Variants in STX18 observed in about 807,000 individuals in gnomAD.
STX18 encodes the protein syntaxin 18.
In STX18, 40 loss-of-function variants were observed where a neutral mutation model predicts 50.1. The observed-to-expected ratio is 0.80, with a 90% CI of 0.62 to 1.04. The LOEUF is 1.04. Ranked by LOEUF, STX18 falls within the 50% of genes least tolerant of loss-of-function variation. STX18 has a pLI of 0.00. For synonymous variants in STX18, 158 were observed against 151.8 expected, an observed-to-expected ratio of 1.04 and a Z score of -0.30; for missense variants, 410 against 415.8, an observed-to-expected ratio of 0.99 and a Z score of 0.12.
Position 4,532,979 on chromosome 4 carries a change from A to C in STX18, c.168+8818T>G, listed in dbSNP as rs188300633. 2.1e-3 allele frequency among the ~76,000 whole-genome samples: 325 copies of C among 152,360 alleles called. 1 individual carries two copies. Among genetic ancestry groups the C allele is most frequent in the African/African-American group, 7.5e-3 (313 of 41,592 alleles). On this transcript the variant is annotated intron_variant, in intron 1 of 10. Transcript: ENST00000306200. ...AATACAGCTTACAAATTCCATGGTA[A>C]GAACATTTTGACAAACAGACATATG...
chr4:4,539,955 G>A (rs1288154026), intron 1 of STX18, among the ~76,000 whole-genome samples: 1 of 152,046 alleles, frequency 6.6e-6, no homozygotes, highest in Non-Finnish European at 1.5e-5. Flanking sequence ...ATAAATCAGT[G>A]GTTTCAGAGT....
At chr4:4,527,980 T>C (rs578030957) in intron 1 of STX18, among the ~76,000 whole-genome samples, 82 of 151,962 alleles carry the variant, frequency 5.4e-4, no homozygotes, top group Non-Finnish European at 1.5e-4. Flanking sequence ...TCACCCTGAG[T>C]GAGGCTGCAA....
intron 1 of STX18, chr4:4,507,660 T>C (rs1227680636): frequency 1.3e-6 from 1 of 793,788 alleles, no homozygotes; most frequent in Non-Finnish European, 2.3e-6. Flanking sequence ...AGCCGGCTCA[T>C]AAAGGTTCGT....
At chr4:4,490,467 C>T (rs1434840484) in intron 1 of STX18, among the ~76,000 whole-genome samples, 1 of 152,130 alleles carries the variant, frequency 6.6e-6, no homozygotes, top group Non-Finnish European at 1.5e-5. Flanking sequence ...TCTATTCATT[C>T]TCTATACAGT....
intron 5 of STX18, 83 bp from the exon 6 acceptor site, chr4:4,438,592 C>G: frequency 8.6e-7 from 1 of 1,157,214 alleles, no homozygotes; most frequent in Non-Finnish European, 1.3e-6. Context: ...ACATGTGACC[C>G]TGCGCTTTTG....
chr4:4,464,902 G>A (rs536574285), intron 2 of STX18, among the ~76,000 whole-genome samples: 19 of 144,190 alleles, frequency 1.3e-4, no homozygotes, highest in East Asian at 4.0e-4. Flanking sequence ...TTTTCGAAGC[G>A]TTTTTTTTTT....
At chr4:4,450,661 C>A (rs1243034738) in intron 5 of STX18, among the ~76,000 whole-genome samples, 1 of 152,180 alleles carries the variant, frequency 6.6e-6, no homozygotes, top group Non-Finnish European at 1.5e-5. Context: ...GCCTCTACCA[C>A]CCCTCTCCAT....
intron 5 of STX18, among the ~76,000 whole-genome samples, chr4:4,444,823 TAACA>T (rs946912805): frequency 1.0e-4 from 15 of 150,700 alleles, no homozygotes; most frequent in Admixed American, 7.2e-4. Flanking sequence ...GAAAACAAAC[TAACA>T]AACAAATAAA....
chr4:4,482,355 G>A (rs1384882926), intron 1 of STX18, among the ~76,000 whole-genome samples: 1 of 152,076 alleles, frequency 6.6e-6, no homozygotes, highest in Admixed American at 6.6e-5. Flanking sequence ...TCCCACTGAC[G>A]CCTCAAAAGC....
intron 5 of STX18, among the ~76,000 whole-genome samples, chr4:4,450,386 A>G (rs1331969527): frequency 1.3e-5 from 2 of 152,186 alleles, no homozygotes; most frequent in African/African-American, 2.4e-5. Context: ...CAGTGGCTCA[A>G]TATCAGCTCA....
chr4:4,511,713 AGTGTGTGT>A (rs3038434), intron 1 of STX18, among the ~76,000 whole-genome samples: 4,540 of 137,464 alleles, frequency 0.033, 121 homozygotes, highest in African/African-American at 0.075. Context: ...ACTCATGATT[AGTGTGTGT>A]GTGTGTGTGT....
At chr4:4,437,516 T>G (rs375220791) in intron 6 of STX18, 2 of 754,614 alleles carry the variant, frequency 2.7e-6, no homozygotes, top group African/African-American at 3.8e-5. Context: ...ATGCAAAAAT[T>G]TGAAAAAACC....
intron 2 of STX18, among the ~76,000 whole-genome samples, chr4:4,462,188 T>C (rs1727414012): frequency 6.6e-6 from 1 of 152,184 alleles, no homozygotes; most frequent in Non-Finnish European, 1.5e-5. Flanking sequence ...CCCAGCTCTC[T>C]GGCAGGAAAC....
chr4:4,540,754 C>G (rs888212900), intron 1 of STX18, among the ~76,000 whole-genome samples: 1 of 152,198 alleles, frequency 6.6e-6, no homozygotes, highest in African/African-American at 2.4e-5. Flanking sequence ...GTCCAATCCC[C>G]TTTCTAATGT....
At chr4:4,453,255 T>C (rs977488004) in intron 5 of STX18, among the ~76,000 whole-genome samples, 3 of 152,186 alleles carry the variant, frequency 2.0e-5, no homozygotes, top group Non-Finnish European at 2.9e-5. Flanking sequence ...CTGCACACAA[T>C]AGAGAAACCT....
At chr4:4,431,742 T>C (rs944790228) in intron 7 of STX18, among the ~76,000 whole-genome samples, 1 of 152,200 alleles carries the variant, frequency 6.6e-6, no homozygotes. Flanking sequence ...TCCCTCCTCC[T>C]GATGACCCAC....
intron 1 of STX18, among the ~76,000 whole-genome samples, chr4:4,521,127 A>C (rs1304304102): frequency 6.6e-6 from 1 of 152,176 alleles, no homozygotes; most frequent in African/African-American, 2.4e-5. Context: ...GTCCAATAAA[A>C]TGCAAAAGTC....
intron 1 of STX18, among the ~76,000 whole-genome samples, chr4:4,536,809 C>A (rs767163090): frequency 3.3e-5 from 5 of 152,174 alleles, no homozygotes; most frequent in Non-Finnish European, 5.9e-5. Context: ...AATGTATTAT[C>A]AAGAACAAAA....
chr4:4,530,400 T>A (rs760662183), intron 1 of STX18, among the ~76,000 whole-genome samples: 42 of 151,040 alleles, frequency 2.8e-4, no homozygotes, highest in Non-Finnish European at 5.6e-4. Context: ...TATAATAATA[T>A]ATAATTCTCA....
Sources: gnomAD v4.1 joint callset for allele counts (sites outside exome capture counted in the v4.1 genomes callset) on GRCh38, gnomAD v4.1.1 for gene constraint, MANE v1.5 for transcripts, NCBI Gene and HGNC (gene_info 2026-07-23, HGNC 2026-07-21) for gene names.